Variants in DPF3 observed in about 807,000 individuals in gnomAD.
The protein encoded by DPF3 is double PHD fingers 3.
In DPF3, 18 loss-of-function variants were observed where a neutral mutation model predicts 56.8. The ratio of observed to expected loss-of-function variants is 0.32; its 90% confidence interval spans 0.22 to 0.47. DPF3 has a LOEUF of 0.47. Among genes scored for constraint, DPF3 ranks in the 20% least tolerant of loss-of-function variants. The pLI is 1.00. For missense variants in DPF3, 403 were observed against 488.8 expected (o/e 0.82, Z 1.65); for synonymous variants, 188 against 180.2 (o/e 1.04, Z -0.35).
chr14:72,684,419 G>A (rs1004322662), intron 7 of DPF3, among the ~76,000 whole-genome samples: 2 of 152,078 alleles, frequency 1.3e-5, no homozygotes, highest in African/African-American at 4.8e-5. Flanking sequence ...GATAGAGAGA[G>A]GGAGAAAATG....
chr14:72,702,189 C>T (rs977211317), intron 6 of DPF3, among the ~76,000 whole-genome samples: 8 of 144,536 alleles, frequency 5.5e-5, no homozygotes, highest in South Asian at 2.4e-4. Flanking sequence ...CCCACCCCAA[C>T]GGCCTGGGGC....
At chr14:72,697,720 G>A (rs1202055180) in intron 6 of DPF3, among the ~76,000 whole-genome samples, 1 of 152,120 alleles carries the variant, frequency 6.6e-6, no homozygotes, top group Non-Finnish European at 1.5e-5. Flanking sequence ...AGGTAGCGAG[G>A]GGCTATTTCA....
intron 2 of DPF3, among the ~76,000 whole-genome samples, chr14:72,762,920 G>T (rs1278243275): frequency 6.6e-6 from 1 of 151,802 alleles, no homozygotes; most frequent in Non-Finnish European, 1.5e-5. Flanking sequence ...CAAGGTTGCA[G>T]GATATAGGAA....
intron 1 of DPF3, chr14:72,773,782 T>C (rs779378707): frequency 6.8e-5 from 31 of 453,852 alleles, no homozygotes; most frequent in African/African-American, 4.6e-4. Flanking sequence ...ACCTATATTA[T>C]AGCATATGTC....
At chr14:72,826,436 C>T (rs1179769077) in intron 1 of DPF3, among the ~76,000 whole-genome samples, 3 of 152,154 alleles carry the variant, frequency 2.0e-5, no homozygotes, top group Non-Finnish European at 2.9e-5. Flanking sequence ...GGGATCCAGC[C>T]CCTAGACGCA....
chr14:72,772,897 C>T (rs1279793727), intron 1 of DPF3, among the ~76,000 whole-genome samples: 3 of 151,936 alleles, frequency 2.0e-5, no homozygotes, highest in Non-Finnish European at 4.4e-5. Flanking sequence ...GGGCAGTGGA[C>T]GCAAAGGAGT....
At chr14:72,883,346 T>C (rs1886390575) in intron 1 of DPF3, among the ~76,000 whole-genome samples, 1 of 152,048 alleles carries the variant, frequency 6.6e-6, no homozygotes, top group Non-Finnish European at 1.5e-5. Context: ...TAGTCCCAGC[T>C]ACTTGGGAAG....
At chr14:72,846,469 G>T (rs974703425) in intron 1 of DPF3, among the ~76,000 whole-genome samples, 5 of 151,636 alleles carry the variant, frequency 3.3e-5, no homozygotes, top group Admixed American at 2.6e-4. Flanking sequence ...TGGAGTAGCT[G>T]GGACTACAGG....
chr14:72,767,712 C>G, intron 2 of DPF3, among the ~76,000 whole-genome samples: 1 of 122,120 alleles, frequency 8.2e-6, no homozygotes, highest in East Asian at 2.5e-4. Context: ...GAGGGTTGAA[C>G]TGAAGAAGTA....
rs944641927 is a variant in DPF3 at position 72,619,176 on chromosome 14, G to A, written c.*121C>T. 1.6e-3 allele frequency: 1,533 copies of A among 983,802 alleles called. 15 individuals are homozygous for A. Among genetic ancestry groups the A allele is most frequent in the Non-Finnish European group, 1.0e-3 (705 of 675,366 alleles). 60.9% of individuals were successfully genotyped at this position (983,802 alleles called of 1,614,324 possible). On this transcript the variant is annotated 3_prime_UTR_variant, in exon 11 of 11. Coordinates refer to ENST00000556509, the MANE Select transcript of DPF3 (RefSeq NM_001280542.3). ...CGTTCCATGTGTCCCTGCCCCTCTG[G>A]GACTATTTCTTTTCCTTGCAGTTGG...
chr14:72,742,717 C>A (rs903053499), intron 3 of DPF3: 1 of 152,422 alleles, frequency 6.6e-6, no homozygotes. Context: ...AGCCTGGAGA[C>A]TATTAAAATG....
rs1273725990 is a variant in DPF3 at position 72,714,492 on chromosome 14, A to T, written c.535T>A (p.Ser179Thr). The change falls in exon 6 of 11, where the codon TCT becomes ACT. Residue 179 changes from serine to threonine, a missense_variant. Physicochemically the swap from Ser to Thr is moderately conservative, Grantham distance 58. Transcript: ENST00000556509. Reference sequence around the variant, plus strand: ...TCGTGCCTCCTCCTGCCCCCTGCAGAGCCGCGAGCCTGGGGAGACATTGGG... The same window carrying T: ...TCGTGCCTCCTCCTGCCCCCTGCAGTGCCGCGAGCCTGGGGAGACATTGGG... ...KNRTRGRARGSAGGRRRHDAA... is the reference protein window; with the variant it reads ...KNRTRGRARGTAGGRRRHDAA... The T allele has an allele frequency of 1.2e-6, 2 of 1,613,726 alleles. No homozygotes were observed. Among genetic ancestry groups the T allele is most frequent in the Admixed American group, 3.3e-5 (2 of 60,008 alleles).
chr14:72,799,639 G>GTATATA (rs34130015), intron 1 of DPF3, among the ~76,000 whole-genome samples: 2 of 150,028 alleles, frequency 1.3e-5, no homozygotes, highest in East Asian at 2.0e-4. Context: ...GATCATATAT[G>GTATATA]TATATATATA....
At chr14:72,808,086 G>T (rs1226672338) in intron 1 of DPF3, among the ~76,000 whole-genome samples, 5 of 152,198 alleles carry the variant, frequency 3.3e-5, no homozygotes, top group Non-Finnish European at 7.3e-5. Context: ...ATGGGGTAAG[G>T]ATAAGGTGGG....
intron 6 of DPF3, among the ~76,000 whole-genome samples, chr14:72,699,363 C>T (rs2153573786): frequency 6.6e-6 from 1 of 151,738 alleles, no homozygotes; most frequent in East Asian, 1.9e-4. Context: ...CTGCAAAAGA[C>T]AATTCAAGAT....
At chr14:72,656,115 TC>T (rs1555492639) in intron 8 of DPF3, among the ~76,000 whole-genome samples, 1 of 152,194 alleles carries the variant, frequency 6.6e-6, no homozygotes, top group Non-Finnish European at 1.5e-5. Context: ...CTAATTCTTT[TC>T]CCCAAGTTAA....
intron 3 of DPF3, among the ~76,000 whole-genome samples, chr14:72,737,898 ATT>A (rs201559382): frequency 3.4e-5 from 5 of 145,990 alleles, no homozygotes; most frequent in African/African-American, 5.0e-5. Flanking sequence ...TGAGTGCTCA[ATT>A]TTTTTTTTTT....
chr14:72,835,446 C>A (rs900389974), intron 1 of DPF3, among the ~76,000 whole-genome samples: 1 of 152,194 alleles, frequency 6.6e-6, no homozygotes, highest in South Asian at 2.1e-4. Flanking sequence ...CACTGAATTA[C>A]GCACTTTCAA....
At chr14:72,676,402 C>T (rs1171633243) in intron 7 of DPF3, among the ~76,000 whole-genome samples, 1 of 152,174 alleles carries the variant, frequency 6.6e-6, no homozygotes, top group Non-Finnish European at 1.5e-5. Context: ...GATCTTTAAG[C>T]AACTAAAGAA....
Sources: gnomAD v4.1 joint callset for allele counts (sites outside exome capture counted in the v4.1 genomes callset) on GRCh38, gnomAD v4.1.1 for gene constraint, MANE v1.5 for transcripts, NCBI Gene and HGNC (gene_info 2026-07-23, HGNC 2026-07-21) for gene names.